Variants in ROBO1 observed in about 807,000 individuals in gnomAD.
ROBO1 encodes roundabout guidance receptor 1.
In ROBO1, 149 loss-of-function variants were observed where a neutral mutation model predicts 195.9. That is an observed-to-expected ratio of 0.76 (90% CI 0.67 to 0.87). The LOEUF is 0.87. Among genes scored for constraint, ROBO1 ranks in the 40% least tolerant of loss-of-function variants. ROBO1 has a pLI of 0.00. For missense variants in ROBO1, 1,933 were observed against 2,068.3 expected, an observed-to-expected ratio of 0.93 and a Z score of 1.27; for synonymous variants, 816 against 733.2, an observed-to-expected ratio of 1.11 and a Z score of -1.82.
At chr3:79,173,907 C>G (rs956397025) in intron 2 of ROBO1, among the ~76,000 whole-genome samples, 6 of 152,152 alleles carry the variant, frequency 3.9e-5, no homozygotes, top group Non-Finnish European at 7.4e-5. Flanking sequence ...GTGTCTAGCT[C>G]AGGGTTTGTG....
chr3:79,579,501 C>G (rs1191759308), intron 2 of ROBO1, among the ~76,000 whole-genome samples: 1 of 152,098 alleles, frequency 6.6e-6, no homozygotes. Flanking sequence ...ATTGCCAAGT[C>G]TTTTGGAAAG....
chr3:79,041,749 A>G (rs1031855857), intron 3 of ROBO1, among the ~76,000 whole-genome samples: 1 of 152,116 alleles, frequency 6.6e-6, no homozygotes, highest in Non-Finnish European at 1.5e-5. Flanking sequence ...ATGGGAGGAA[A>G]CAATGCTGTT....
At chr3:79,445,661 A>AT (rs1224355261) in intron 2 of ROBO1, among the ~76,000 whole-genome samples, 4 of 144,394 alleles carry the variant, frequency 2.8e-5, no homozygotes, top group African/African-American at 1.0e-4. Flanking sequence ...CAGGCCTGGC[A>AT]ATTTTTTTTT....
At chr3:79,664,907 G>A (rs1158357126) in intron 1 of ROBO1, among the ~76,000 whole-genome samples, 3 of 151,920 alleles carry the variant, frequency 2.0e-5, no homozygotes, top group Admixed American at 6.6e-5. Context: ...ATCCCTGGGC[G>A]GAGAATATTA....
intron 3 of ROBO1, among the ~76,000 whole-genome samples, chr3:79,018,248 C>A (rs2078003413): frequency 6.6e-6 from 1 of 152,122 alleles, no homozygotes; most frequent in Non-Finnish European, 1.5e-5. Context: ...ACCCCAAATG[C>A]GAACTAGGAA....
At chr3:79,607,854 T>TA (rs1944538221) in intron 1 of ROBO1, among the ~76,000 whole-genome samples, 1 of 152,036 alleles carries the variant, frequency 6.6e-6, no homozygotes, top group South Asian at 2.1e-4. Flanking sequence ...TTGAATATGA[T>TA]ATTTTACAGC....
chr3:79,489,807 A>G (rs912046361), intron 2 of ROBO1, among the ~76,000 whole-genome samples: 2 of 152,152 alleles, frequency 1.3e-5, no homozygotes, highest in Admixed American at 6.5e-5. Flanking sequence ...TATTAGCAAC[A>G]TATTTTCCTC....
intron 2 of ROBO1, among the ~76,000 whole-genome samples, chr3:79,337,598 G>C (rs1045849715): frequency 2.0e-5 from 3 of 152,130 alleles, no homozygotes; most frequent in Non-Finnish European, 2.9e-5. Context: ...CCAGTATTGG[G>C]CAGTTCTTTA....
At chr3:79,368,213 G>A (rs1294798648) in intron 2 of ROBO1, among the ~76,000 whole-genome samples, 2 of 152,138 alleles carry the variant, frequency 1.3e-5, no homozygotes, top group African/African-American at 2.4e-5. Context: ...GATTACAGGC[G>A]TGAGCCACTG....
At chr3:79,765,270 C>G (rs946070330) in intron 1 of ROBO1, among the ~76,000 whole-genome samples, 1 of 152,168 alleles carries the variant, frequency 6.6e-6, no homozygotes, top group Non-Finnish European at 1.5e-5. Context: ...TGAATGCCCC[C>G]ACTCCTTAGA....
intron 3 of ROBO1, among the ~76,000 whole-genome samples, chr3:79,030,246 C>T (rs945441313): frequency 2.6e-5 from 4 of 152,142 alleles, no homozygotes; most frequent in Non-Finnish European, 5.9e-5. Flanking sequence ...TGTCCAGAGA[C>T]ATTTGTGGTT....
chr3:79,365,584 C>A (rs1189129765), intron 2 of ROBO1, among the ~76,000 whole-genome samples: 1 of 152,148 alleles, frequency 6.6e-6, no homozygotes, highest in Non-Finnish European at 1.5e-5. Context: ...CTATTTTTAA[C>A]TCTCCGTGTT....
intron 3 of ROBO1, among the ~76,000 whole-genome samples, chr3:79,001,558 G>A (rs1374888): frequency 0.99 from 150,774 of 152,258 alleles, 74,663 homozygotes; most frequent in East Asian, 1. Flanking sequence ...ACCCAGTAAA[G>A]GTTATATAAA....
At chr3:79,380,646 T>C (rs893965753) in intron 2 of ROBO1, among the ~76,000 whole-genome samples, 4 of 152,102 alleles carry the variant, frequency 2.6e-5, no homozygotes, top group African/African-American at 9.7e-5. Context: ...ATATGGTAGA[T>C]TGATTCCACT....
At chr3:78,986,385 CT>C (rs1191917993) in intron 3 of ROBO1, among the ~76,000 whole-genome samples, 84 of 146,262 alleles carry the variant, frequency 5.7e-4, no homozygotes, top group African/African-American at 8.2e-4. Context: ...AGAATAAAAC[CT>C]TTTTTTTTTT....
At chr3:79,238,998 T>C (rs2082463011) in intron 2 of ROBO1, among the ~76,000 whole-genome samples, 1 of 152,194 alleles carries the variant, frequency 6.6e-6, no homozygotes. Flanking sequence ...GCCTTAAAGA[T>C]AAAATGTAAA....
intron 1 of ROBO1, among the ~76,000 whole-genome samples, chr3:79,696,523 C>T (rs187247434): frequency 3.0e-4 from 45 of 150,370 alleles, no homozygotes; most frequent in African/African-American, 1.0e-3. Flanking sequence ...GGAAAAAAGA[C>T]ATCCATGGCA....
chr3:79,737,540 A>G (rs953439566), intron 1 of ROBO1, among the ~76,000 whole-genome samples: 1 of 152,166 alleles, frequency 6.6e-6, no homozygotes, highest in Non-Finnish European at 1.5e-5. Flanking sequence ...ATTTCTCTAA[A>G]TCTTAACTTA....
intron 2 of ROBO1, among the ~76,000 whole-genome samples, chr3:79,573,238 G>A (rs910114604): frequency 6.6e-6 from 1 of 152,054 alleles, no homozygotes; most frequent in African/African-American, 2.4e-5. Flanking sequence ...TTGTAGAGAT[G>A]AGAAACCCTA....
Sources: allele counts gnomAD v4.1 joint callset (sites outside exome capture counted in the v4.1 genomes callset), GRCh38; gene constraint gnomAD v4.1.1; transcripts MANE v1.5; gene names NCBI Gene and HGNC (gene_info 2026-07-23, HGNC 2026-07-21).